GABRA6: variants seen among roughly 807,000 people sequenced by gnomAD.
GABRA6 encodes the protein gamma-aminobutyric acid receptor subunit alpha-6.
A neutral mutation model predicts 47.3 loss-of-function variants in GABRA6; 45 were observed. The observed-to-expected ratio is 0.95, with a 90% confidence interval of 0.75 to 1.22. The LOEUF (loss-of-function observed/expected upper bound fraction) is 1.22, where lower values mean the gene tolerates loss of function less well. Ranked by LOEUF, GABRA6 falls within the 50% of genes most tolerant of loss-of-function variation. GABRA6 has a pLI of 0.00. For synonymous variants in GABRA6, 219 were observed against 194.7 expected (o/e 1.12, Z -1.04); for missense variants, 583 against 549.3 (o/e 1.06, Z -0.61).
At chr5:161,690,596 T>C (rs530584443) in intron 7 of GABRA6, among the ~76,000 whole-genome samples, 8 of 152,304 alleles carry the variant, frequency 5.3e-5, no homozygotes, top group African/African-American at 1.9e-4. Flanking sequence ...ATGTGTCCTA[T>C]TTGCAGTGCT....
At chr5:161,694,461 A>G (rs1754853906) in intron 8 of GABRA6, among the ~76,000 whole-genome samples, 1 of 152,058 alleles carries the variant, frequency 6.6e-6, no homozygotes, top group Non-Finnish European at 1.5e-5. Flanking sequence ...AAATCCTTGG[A>G]GAAAACGTAA....
At position 161,690,180 on chromosome 5, in the gene GABRA6, GATGT is replaced by G. The variant is rs772184029; in HGVS notation, c.674-16_674-13del. 6.2e-7 allele frequency: 1 copy of G among 1,610,434 alleles called. No individual in the cohort carries two copies. The highest frequency in any genetic ancestry group is 1.7e-5 in the Admixed American group (1 of 60,004). The stretch of plus-strand genomic sequence containing the variant: ...GCAGACTGTCAGCAGTAATAATACT[GATGT>G]ATGTGTCTTCCAACAGGTGAATACG... On this transcript the variant is annotated splice_polypyrimidine_tract_variant and intron_variant, in intron 6 of 8. Transcript: ENST00000274545.
chr5:161,687,633 G>A (rs1222270036), intron 3 of GABRA6: 1 of 407,588 alleles, frequency 2.5e-6, no homozygotes, highest in Non-Finnish European at 4.9e-6. Flanking sequence ...ACGGTTCTCA[G>A]GTGGCATTTC....
chr5:161,701,592 C>G lies in GABRA6; in HGVS notation c.1181C>G (p.Ala394Gly), dbSNP rs761702862. ...GAGGCCAATAAAGTGCTCACGAGAGCGCCCATCTTACAATCAACACCTGTC... is the reference window on the plus strand; with the variant it reads ...GAGGCCAATAAAGTGCTCACGAGAGGGCCCATCTTACAATCAACACCTGTC... ...SSEANKVLTR[A>G]PILQSTPVTP... Residue 394 changes from alanine to glycine, a missense_variant, in exon 9 of 9, where the codon GCG becomes GGG. Coordinates refer to ENST00000274545, the MANE Select transcript of GABRA6 (RefSeq NM_000811.3). 2.5e-6 allele frequency: 4 copies of G among 1,613,988 alleles called. No individual in the cohort carries two copies. The highest frequency in any genetic ancestry group is 1.7e-5 in the Admixed American group (1 of 59,978).
rs754769717 is a variant in GABRA6 at position 161,692,029 on chromosome 5, G to A, written c.915G>A (p.Trp305Ter). 3.7e-6 allele frequency: 6 copies of A among 1,613,994 alleles called. No homozygotes were observed. Among genetic ancestry groups the A allele is most frequent in the Non-Finnish European group, 3.4e-6 (4 of 1,180,012 alleles). The change falls in exon 8 of 9, where the codon TGG becomes TGA. Residue 305 changes from tryptophan to a stop codon, truncating the protein, a stop_gained. Transcript: ENST00000274545. LOFTEE classifies it high-confidence loss of function. ...PKVSYATAMD[W>*]FIAVCFAFVF... Reference sequence around the variant, plus strand: ...TGTCATATGCCACTGCCATGGATTGGTTCATAGCTGTTTGCTTTGCATTCG... The same window carrying A: ...TGTCATATGCCACTGCCATGGATTGATTCATAGCTGTTTGCTTTGCATTCG...
At chr5:161,692,771 T>C (rs1009660777) in intron 8 of GABRA6, among the ~76,000 whole-genome samples, 2 of 152,222 alleles carry the variant, frequency 1.3e-5, no homozygotes, top group African/African-American at 4.8e-5. Flanking sequence ...AATGAGTTTA[T>C]AGTCAATGGC....
rs1300046849 is a variant in GABRA6, at chr5:161,689,068, C to T, written c.345C>T (p.Asp115=). Residue 115 remains aspartate (D), a synonymous_variant, in exon 4 of 9, where the codon GAC becomes GAT. Transcript: ENST00000274545. ...TGGTCAGTAAAATCTGGACGCCTGA[C>T]ACCTTTTTCAGAAATGGTAAAAAGT... ...NLMVSKIWTP[D]TFFRNGKKSI... The T allele has an allele frequency of 1.2e-6, 2 of 1,614,026 alleles. No individual in the cohort carries two copies. The highest frequency in any genetic ancestry group is 1.7e-5 in the Admixed American group (1 of 60,014).
At chr5:161,688,803 A>T (rs1754741586) in intron 3 of GABRA6, 146 bp from the exon 4 acceptor site, 1 of 710,018 alleles carries the variant, frequency 1.4e-6, no homozygotes, top group African/African-American at 1.8e-5. Context: ...AATAATAACT[A>T]GCTAAAATTA....
intron 3 of GABRA6, among the ~76,000 whole-genome samples, chr5:161,687,939 G>A (rs1387399170): frequency 2.6e-5 from 4 of 152,094 alleles, no homozygotes; most frequent in Non-Finnish European, 2.9e-5. Context: ...TATATAAGGA[G>A]AAAGAGGAGT....
chr5:161,701,440 A>C, intron 8 of GABRA6, 58 bp from the exon 9 acceptor site: 1 of 1,549,370 alleles, frequency 6.5e-7, no homozygotes, highest in Non-Finnish European at 8.9e-7. Flanking sequence ...TGAATAAATA[A>C]GCAATTAAGC....
chr5:161,695,240 C>G (rs1287553749), intron 8 of GABRA6, among the ~76,000 whole-genome samples: 1 of 152,078 alleles, frequency 6.6e-6, no homozygotes, highest in Non-Finnish European at 1.5e-5. Context: ...AATGGAGAAA[C>G]TCAAGCATTT....
chr5:161,694,322 A>G (rs999838371), intron 8 of GABRA6, among the ~76,000 whole-genome samples: 27 of 150,878 alleles, frequency 1.8e-4, no homozygotes, highest in African/African-American at 6.5e-4. Flanking sequence ...AAAAAAAAAG[A>G]TCGTCAAAAA....
At chr5:161,697,575 A>G (rs951584072) in intron 8 of GABRA6, among the ~76,000 whole-genome samples, 1 of 152,124 alleles carries the variant, frequency 6.6e-6, no homozygotes, top group Non-Finnish European at 1.5e-5. Context: ...ATTTCCCCCA[A>G]GAGACATTGG....
chr5:161,700,095 A>T (rs528976464), intron 8 of GABRA6, among the ~76,000 whole-genome samples: 1 of 152,334 alleles, frequency 6.6e-6, no homozygotes, highest in Admixed American at 6.5e-5. Context: ...CAAACAGCAA[A>T]ATCAAGAGGA....
In GABRA6 at chr5:161,701,481, TTG is replaced by T; in HGVS notation, c.1087-15_1087-14del. 1.9e-6 allele frequency: 3 copies of T among 1,613,552 alleles called. No homozygotes were observed. The highest frequency in any genetic ancestry group is 2.5e-6 in the Non-Finnish European group (3 of 1,179,732). On this transcript the variant is annotated splice_polypyrimidine_tract_variant and intron_variant, in intron 8 of 8. Coordinates refer to ENST00000274545, the MANE Select transcript of GABRA6 (RefSeq NM_000811.3). ...CTATTCTTTCATTTGGGCTTAATAT[TTG>T]TCTTTTTTCCACAGCATCCTGACTC...
intron 8 of GABRA6, among the ~76,000 whole-genome samples, chr5:161,698,358 G>T (rs1754918932): frequency 1.3e-5 from 2 of 152,112 alleles, no homozygotes; most frequent in South Asian, 4.1e-4. Context: ...AGGTGTTAAT[G>T]AGTTTGGTAG....
intron 8 of GABRA6, among the ~76,000 whole-genome samples, chr5:161,696,979 TGA>T (rs1412049026): frequency 6.6e-6 from 1 of 152,212 alleles, no homozygotes. Flanking sequence ...TCAGACCTAC[TGA>T]GACTCATTGA....
At chr5:161,688,781 G>C (rs1229069416) in intron 3 of GABRA6, among the ~76,000 whole-genome samples, 168 bp from the exon 4 acceptor site, 1 of 152,150 alleles carries the variant, frequency 6.6e-6, no homozygotes, top group Non-Finnish European at 1.5e-5. Flanking sequence ...CAAACTTTCT[G>C]AGTTTGAGAA....
At chr5:161,701,449 G>A in intron 8 of GABRA6, 49 bp from the exon 9 acceptor site, 2 of 1,579,528 alleles carry the variant, frequency 1.3e-6, no homozygotes, top group Non-Finnish European at 1.7e-6. Context: ...AAGCAATTAA[G>A]CAATATCTAT....
Sources: gnomAD v4.1 joint callset for allele counts (sites outside exome capture counted in the v4.1 genomes callset) on GRCh38, gnomAD v4.1.1 for gene constraint, MANE v1.5 for transcripts, NCBI Gene and HGNC (gene_info 2026-07-23, HGNC 2026-07-21) for gene names.